Variants in PISD observed in about 807,000 individuals in gnomAD.
The protein encoded by PISD is phosphatidylserine decarboxylase.
PISD carries 31 observed loss-of-function variants against 43.5 expected under a neutral mutation model. The ratio of observed to expected loss-of-function variants is 0.71; its 90% CI spans 0.54 to 0.96. The LOEUF (loss-of-function observed/expected upper bound fraction) is 0.96, where lower values mean the gene tolerates loss of function less well. Ranked by LOEUF, PISD falls within the 40% of genes least tolerant of loss-of-function variation. The pLI is 0.00. For synonymous variants in PISD, 259 were observed against 228.7 expected (o/e 1.13, Z -1.20); for missense variants, 523 against 548.4 (o/e 0.95, Z 0.46).
intron 3 of PISD, among the ~76,000 whole-genome samples, chr22:31,637,143 T>TAAA (rs1170100945): frequency 6.0e-4 from 19 of 31,606 alleles, no homozygotes; most frequent in East Asian, 1.3e-3. Flanking sequence ...ATAAATAAAT[T>TAAA]AAAAAAAAAA....
intron 3 of PISD, among the ~76,000 whole-genome samples, chr22:31,637,901 T>C (rs2073560666): frequency 6.6e-6 from 1 of 152,190 alleles, no homozygotes; most frequent in South Asian, 2.1e-4. Flanking sequence ...CTCAGAATGT[T>C]TGTAACCTAA....
intron 3 of PISD, among the ~76,000 whole-genome samples, chr22:31,622,895 A>G (rs2072662311): frequency 6.6e-6 from 1 of 152,224 alleles, no homozygotes; most frequent in African/African-American, 2.4e-5. Context: ...CAACTCCCCA[A>G]GGTGTAAAAC....
At chr22:31,643,717 C>T (rs1183186761) in intron 3 of PISD, among the ~76,000 whole-genome samples, 1 of 152,008 alleles carries the variant, frequency 6.6e-6, no homozygotes, top group Non-Finnish European at 1.5e-5. Context: ...CAAAACCACC[C>T]TGGGCAACAT....
At chr22:31,656,147 T>C (rs1267465021) in intron 1 of PISD, among the ~76,000 whole-genome samples, 4 of 151,684 alleles carry the variant, frequency 2.6e-5, no homozygotes, top group Non-Finnish European at 5.9e-5. Flanking sequence ...TACAAAAAAC[T>C]AGCCAGCCAA....
In PISD at chr22:31,622,951, C is replaced by T. The variant is rs537280387; in HGVS notation, c.322-1066G>A. 2.0e-5 allele frequency among the ~76,000 whole-genome samples: 3 copies of T among 152,372 alleles called. No homozygotes were observed. In the East Asian group the frequency reaches 5.8e-4, roughly 29 times the overall value. ...ACACCTCTCCAAGGTAAGGTAAGCT[C>T]CCAGAGAGCTGCTCTTATCCCTTCC... On this transcript the variant is annotated intron_variant, in intron 3 of 7. Transcript: ENST00000439502.
chr22:31,645,856 A>C (rs1218923668), intron 3 of PISD, among the ~76,000 whole-genome samples: 13 of 120,482 alleles, frequency 1.1e-4, no homozygotes, highest in African/African-American at 2.9e-4. Context: ...GACTCCATCT[A>C]AAAAAAAAAA....
intron 3 of PISD, among the ~76,000 whole-genome samples, chr22:31,645,112 C>T (rs533798240): frequency 5.4e-4 from 81 of 151,024 alleles, no homozygotes; most frequent in African/African-American, 1.8e-3. Flanking sequence ...CAGAGTGAGA[C>T]TCCGTCTCAA....
At chr22:31,624,909 C>A (rs112709944) in intron 3 of PISD, among the ~76,000 whole-genome samples, 2 of 152,108 alleles carry the variant, frequency 1.3e-5, no homozygotes, top group African/African-American at 4.8e-5. Flanking sequence ...TGGCCTCCTG[C>A]GCCTAAACAA....
chr22:31,638,122 T>C (rs2073569353), intron 3 of PISD, among the ~76,000 whole-genome samples: 1 of 152,234 alleles, frequency 6.6e-6, no homozygotes, highest in African/African-American at 2.4e-5. Flanking sequence ...GTATTTTGGC[T>C]GTGCCTGCCC....
intron 3 of PISD, among the ~76,000 whole-genome samples, chr22:31,637,164 AATATAT>A (rs61010566): frequency 2.0e-3 from 27 of 13,616 alleles, no homozygotes; most frequent in East Asian, 0.017. Context: ...AAAAAAAAAA[AATATAT>A]ATATATATAT....
At chr22:31,642,271 A>AC (rs1248919591) in intron 3 of PISD, among the ~76,000 whole-genome samples, 1 of 150,382 alleles carries the variant, frequency 6.6e-6, no homozygotes, top group African/African-American at 2.5e-5. Flanking sequence ...ACATAGTGAG[A>AC]CCCCATCTCT....
Position 31,618,947 on chromosome 22 carries a change from G to A in PISD, c.*665C>T. 1 of 164,816 alleles carries A rather than the reference G, an allele frequency of 6.1e-6. No homozygotes were observed. The highest frequency in any genetic ancestry group is 1.3e-5 in the Non-Finnish European group (1 of 75,430). The allele number at this position is 164,816 out of a possible 1,614,324, so 10.2% of individuals were successfully genotyped here. A position where few individuals can be genotyped will look rare whatever the true frequency, so the allele number is the denominator to read the frequency against. On this transcript the variant is annotated 3_prime_UTR_variant, in exon 8 of 8. Coordinates refer to ENST00000439502, the MANE Select transcript of PISD (RefSeq NM_001326411.2). ...TTGCCTGCTGCAGAGGACCTGGCCA[G>A]CTCCAGAAGGGTCACTCATCAGGTC...
Position 31,621,792 on chromosome 22 carries a change from CG to C in PISD, c.414del (p.Val139SerfsTer11). On this transcript the variant is annotated frameshift_variant, in exon 4 of 8. Transcript: ENST00000439502. LOFTEE classifies it high-confidence loss of function. ...QVELPHWLRR[P>X]VYSLYIWTFG... ...AACGTCCAGATGTACAGGCTGTAGA[CG>C]GGCCTGCGCAGCCAGTGTGGCAGCT... is the stretch of plus-strand genomic sequence containing the variant. The C allele has an allele frequency of 6.2e-7, 1 of 1,613,878 alleles. No homozygotes were observed. Among genetic ancestry groups the C allele is most frequent in the Non-Finnish European group, 8.5e-7 (1 of 1,180,020 alleles).
chr22:31,629,135 C>T, intron 3 of PISD: 1 of 985,304 alleles, frequency 1.0e-6, no homozygotes, highest in Middle Eastern at 5.2e-4. Flanking sequence ...CACCTGCCCC[C>T]CCAGTGGAAT....
At chr22:31,632,521 C>T (rs1042091822) in intron 3 of PISD, among the ~76,000 whole-genome samples, 1 of 152,174 alleles carries the variant, frequency 6.6e-6, no homozygotes, top group South Asian at 2.1e-4. Flanking sequence ...TGTGCACGTT[C>T]TCCCCATGTC....
intron 3 of PISD, among the ~76,000 whole-genome samples, chr22:31,626,872 C>T (rs2147663807): frequency 6.6e-6 from 1 of 152,370 alleles, no homozygotes; most frequent in Non-Finnish European, 1.5e-5. Flanking sequence ...TCCTTCACCC[C>T]CAGCCACTGC....
intron 2 of PISD, among the ~76,000 whole-genome samples, chr22:31,648,858 G>A (rs116915633): frequency 2.6e-5 from 4 of 152,222 alleles, no homozygotes; most frequent in Non-Finnish European, 4.4e-5. Context: ...TGTATTAATA[G>A]ATGAAAACAC....
chr22:31,640,097 G>A (rs1480472271), intron 3 of PISD, among the ~76,000 whole-genome samples: 5 of 151,938 alleles, frequency 3.3e-5, no homozygotes, highest in Admixed American at 1.3e-4. Flanking sequence ...TTCAAGCTGC[G>A]CACACTCCAC....
intron 3 of PISD, chr22:31,627,952 G>A: frequency 1.1e-6 from 1 of 873,504 alleles, no homozygotes; most frequent in Non-Finnish European, 1.4e-6. Flanking sequence ...GGAAAGGTGA[G>A]CCCTGGAGAG....
Sources: gnomAD v4.1 joint callset for allele counts (sites outside exome capture counted in the v4.1 genomes callset) on GRCh38, gnomAD v4.1.1 for gene constraint, MANE v1.5 for transcripts, NCBI Gene and HGNC (gene_info 2026-07-23, HGNC 2026-07-21) for gene names.